The following CCDC68 variants were observed in gnomAD, a reference collection of about 807,000 sequenced individuals.
The protein encoded by CCDC68 is coiled-coil domain containing 68.
In CCDC68, 45 loss-of-function variants were observed where a neutral mutation model predicts 47.1. That is an observed-to-expected ratio of 0.96 (90% CI 0.75 to 1.23). The LOEUF (loss-of-function observed/expected upper bound fraction) is 1.23, where lower values mean the gene tolerates loss of function less well. Ranked by LOEUF, CCDC68 falls within the 50% of genes most tolerant of loss-of-function variation. The pLI is 0.00. For synonymous variants in CCDC68, 131 were observed against 129.5 expected (o/e 1.01, Z -0.08); for missense variants, 353 against 373.6 (o/e 0.94, Z 0.45).
chr18:54,927,002 CT>C (rs2044156830), intron 8 of CCDC68, among the ~76,000 whole-genome samples: 1 of 152,150 alleles, frequency 6.6e-6, no homozygotes. Flanking sequence ...GAAGACAAAT[CT>C]TTTTGACTTT....
At chr18:54,937,022 T>A in intron 5 of CCDC68, 64 bp from the exon 6 acceptor site, 1 of 1,534,942 alleles carries the variant, frequency 6.5e-7, no homozygotes, top group Non-Finnish European at 9.0e-7. Flanking sequence ...GGCAGAACAG[T>A]TTGATGGGCA....
At chr18:54,919,871 T>G (rs999283966) in intron 8 of CCDC68, among the ~76,000 whole-genome samples, 1 of 152,218 alleles carries the variant, frequency 6.6e-6, no homozygotes, top group African/African-American at 2.4e-5. Flanking sequence ...TGTCTTTTTT[T>G]ATTTTTTATT....
intron 6 of CCDC68, 142 bp downstream of exon 6, chr18:54,936,691 A>G (rs113165728): frequency 2.0e-6 from 2 of 1,001,284 alleles, no homozygotes; most frequent in East Asian, 2.5e-5. Context: ...GGCAAAAGAG[A>G]CAAGCACACC....
At chr18:54,930,629 C>CCCTT (rs1440211032) in intron 7 of CCDC68, among the ~76,000 whole-genome samples, 1 of 10,256 alleles carries the variant, frequency 9.8e-5, no homozygotes, top group Non-Finnish European at 2.4e-4. Context: ...CCCTTCCCCT[C>CCCTT]CCTCCCTCCC....
chr18:54,953,979 TCC>T (rs2044665604), intron 1 of CCDC68, among the ~76,000 whole-genome samples: 1 of 13,866 alleles, frequency 7.2e-5, no homozygotes, highest in Non-Finnish European at 1.5e-4. Flanking sequence ...GACCCTCCCC[TCC>T]CCTCCCCTCC....
In CCDC68 at chr18:54,903,192, C is replaced by G. The variant is rs1913781586; in HGVS notation, c.*1166G>C. The G allele has an allele frequency of 6.6e-6, 1 of 152,064 alleles. No homozygotes were observed. Among genetic ancestry groups the G allele is most frequent in the African/African-American group, 2.4e-5 (1 of 41,440 alleles). The allele number at this position is 152,064 out of a possible 1,614,324, so 9.4% of individuals were successfully genotyped here. A position where few individuals can be genotyped will look rare whatever the true frequency, so the allele number is the denominator to read the frequency against. On this transcript the variant is annotated 3_prime_UTR_variant, in exon 12 of 12. Coordinates refer to ENST00000591504, the MANE Select transcript of CCDC68 (RefSeq NM_025214.3). ...ATTTCACATTCCATAATGAAAGAGT[C>G]AGCATCTTTTCTGAGCAAATATTTA...
chr18:54,937,020 A>C, intron 5 of CCDC68, 62 bp from the exon 6 acceptor site: 3 of 1,551,024 alleles, frequency 1.9e-6, no homozygotes, highest in Non-Finnish European at 2.7e-6. Flanking sequence ...AAGGCAGAAC[A>C]GTTTGATGGG....
At chr18:54,928,495 T>C (rs186517630) in intron 8 of CCDC68, among the ~76,000 whole-genome samples, 1 of 152,214 alleles carries the variant, frequency 6.6e-6, no homozygotes, top group Non-Finnish European at 1.5e-5. Context: ...GCACAAATGG[T>C]AAACCAGGAG....
intron 8 of CCDC68, among the ~76,000 whole-genome samples, chr18:54,926,871 A>G (rs2044154489): frequency 6.6e-6 from 1 of 152,224 alleles, no homozygotes; most frequent in Non-Finnish European, 1.5e-5. Context: ...TTTCCCAGAA[A>G]GGTGAATGAA....
intron 1 of CCDC68, among the ~76,000 whole-genome samples, chr18:54,955,954 C>T (rs1256043390): frequency 6.7e-6 from 1 of 150,198 alleles, no homozygotes; most frequent in Non-Finnish European, 1.5e-5. Flanking sequence ...CAACTCCTGA[C>T]CTCAGGTGAT....
chr18:54,905,474 T>C (rs2145339944), intron 11 of CCDC68, among the ~76,000 whole-genome samples: 1 of 136,442 alleles, frequency 7.3e-6, no homozygotes, highest in South Asian at 2.4e-4. Context: ...GAAAAAACCT[T>C]TTTTGTTTGT....
In CCDC68 at chr18:54,935,184, A is replaced by G. The variant is rs181880487; in HGVS notation, c.472-236T>C. Among the ~76,000 whole-genome samples, 15 of 152,352 alleles carry G rather than the reference A, an allele frequency of 9.8e-5. No individual in the cohort carries two copies. The East Asian group carries it at 2.9e-3, about 29-fold the overall frequency. On this transcript the variant is annotated intron_variant, in intron 6 of 11. Coordinates refer to ENST00000591504, the MANE Select transcript of CCDC68 (RefSeq NM_025214.3). ...TCCTAGAATGTTTCCATTTGTTACC[A>G]TAAAGCATACTTCCTGAACAGGTAT... is the stretch of plus-strand genomic sequence containing the variant.
At position 54,941,042 on chromosome 18, in the gene CCDC68, T is replaced by A. The variant is rs1204809208; in HGVS notation, c.159A>T (p.Lys53Asn). Residue 53 changes from lysine to asparagine, a missense_variant, in exon 4 of 12, where the codon AAA (lysine) becomes AAT (asparagine). Transcript: ENST00000591504. The stretch of plus-strand genomic sequence containing the variant: ...TTGTACTGTCATGTCTTATTTCATC[T>A]TTAAACATCTGGGTCCTGATCTTTT... ...TLQKIRTQMF[K>N]DEIRHDSTNH... 1 of 1,612,880 alleles carries A rather than the reference T, an allele frequency of 6.2e-7. No individual in the cohort carries two copies. The highest frequency in any genetic ancestry group is 1.3e-5 in the African/African-American group (1 of 74,902).
intron 10 of CCDC68, among the ~76,000 whole-genome samples, chr18:54,916,491 T>C (rs1172466525): frequency 6.6e-6 from 1 of 152,156 alleles, no homozygotes; most frequent in African/African-American, 2.4e-5. Context: ...TCTACAGGAC[T>C]GGGCAACATT....
intron 10 of CCDC68, among the ~76,000 whole-genome samples, chr18:54,908,781 G>A (rs1914162733): frequency 1.3e-5 from 2 of 152,060 alleles, no homozygotes; most frequent in Admixed American, 6.5e-5. Flanking sequence ...ACAGTATCTC[G>A]GCTCACTTCA....
chr18:54,912,247 A>G (rs947587926), intron 10 of CCDC68, among the ~76,000 whole-genome samples: 1 of 152,214 alleles, frequency 6.6e-6, no homozygotes, highest in African/African-American at 2.4e-5. Context: ...TGCAAGAAAT[A>G]TAAGATGAGT....
chr18:54,902,864 A>G lies in CCDC68; in HGVS notation c.*1494T>C, dbSNP rs1913761047. The G allele has an allele frequency of 6.6e-6, 1 of 152,208 alleles. No individual in the cohort carries two copies. Among genetic ancestry groups the G allele is most frequent in the African/African-American group, 2.4e-5 (1 of 41,468 alleles). The allele number at this position is 152,208 out of a possible 1,614,324, so 9.4% of individuals were successfully genotyped here. On this transcript the variant is annotated 3_prime_UTR_variant, in exon 12 of 12. Transcript: ENST00000591504. ...CTGGGCAAATTACTCAACCACTCTC[A>G]GTATCTTTCTCTGTAAAACAGGAAT...
rs1006645434 is a variant in CCDC68 at position 54,934,750 on chromosome 18, A to C, written c.600+70T>G. 1.8e-4 allele frequency: 196 copies of C among 1,077,760 alleles called. 3 individuals carry two copies. The South Asian group carries it at 3.6e-3, about 20-fold the overall frequency. The allele number at this position is 1,077,760 out of a possible 1,614,324, so 66.8% of individuals were successfully genotyped here. A position where few individuals can be genotyped will look rare whatever the true frequency, so the allele number is the denominator to read the frequency against. ...TTTAATTTAATATCCTATTTATTTTAGTATTATTTTATTTCATTCTCATCC... is the reference window on the plus strand; with the variant it reads ...TTTAATTTAATATCCTATTTATTTTCGTATTATTTTATTTCATTCTCATCC... On this transcript the variant is annotated intron_variant, in intron 7 of 11. Transcript: ENST00000591504.
intron 11 of CCDC68, among the ~76,000 whole-genome samples, chr18:54,907,136 G>C (rs1568129816): frequency 1.3e-5 from 2 of 152,106 alleles, no homozygotes; most frequent in Admixed American, 6.5e-5. Context: ...TCTTTTAAAT[G>C]ATAATTTCAT....
Sources: allele counts gnomAD v4.1 joint callset (sites outside exome capture counted in the v4.1 genomes callset), GRCh38; gene constraint gnomAD v4.1.1; transcripts MANE v1.5; gene names NCBI Gene and HGNC (gene_info 2026-07-23, HGNC 2026-07-21).